The following CCDC32 variants were observed in gnomAD, a reference collection of about 807,000 sequenced individuals.
CCDC32 encodes coiled-coil domain-containing protein 32.
CCDC32 carries 9 observed loss-of-function variants against 20.1 expected under a neutral mutation model. The observed-to-expected ratio is 0.45, with a 90% CI of 0.27 to 0.78. The LOEUF (loss-of-function observed/expected upper bound fraction) is 0.78, where lower values mean the gene tolerates loss of function less well. Among genes scored for constraint, CCDC32 ranks in the 30% least tolerant of loss-of-function variants. The pLI is 0.16. For missense variants in CCDC32, 204 were observed against 215.5 expected (o/e 0.95, Z 0.33); for synonymous variants, 63 against 79.0 (o/e 0.80, Z 1.07).
chr15:40,551,870 G>A (rs1889889234), downstream of CCDC32, among the ~76,000 whole-genome samples: 1 of 148,514 alleles, frequency 6.7e-6, no homozygotes, highest in African/African-American at 2.5e-5. Context: ...AGAGAGGAAA[G>A]GGCCAGGCAT....
At chr15:40,528,512 A>C (rs143643366), downstream of CCDC32, among the ~76,000 whole-genome samples, 23 of 152,260 alleles carry the variant, frequency 1.5e-4, no homozygotes, top group African/African-American at 5.3e-4. Flanking sequence ...CAGACTGTGG[A>C]ATCTGTTTTG....
chr15:40,539,097 C>T, downstream of CCDC32: 2 of 675,098 alleles, frequency 3.0e-6, no homozygotes, highest in Non-Finnish European at 2.5e-6. Flanking sequence ...CTTCATTCAG[C>T]CCAGCCCAGA....
chr15:40,559,566 T>C (rs1201099431), intron 2 of CCDC32, among the ~76,000 whole-genome samples: 1 of 152,248 alleles, frequency 6.6e-6, no homozygotes. Context: ...ATCCTATCTT[T>C]GGTGGCTTCC....
downstream of CCDC32, chr15:40,534,839 A>G (rs750515406): frequency 7.6e-5 from 53 of 700,484 alleles, no homozygotes; most frequent in Non-Finnish European, 1.2e-4. Flanking sequence ...TTCAACATGT[A>G]TATTTTAGAG....
At chr15:40,542,739 G>C (rs1328450860) in intron 3 of CCDC32, among the ~76,000 whole-genome samples, 1 of 152,036 alleles carries the variant, frequency 6.6e-6, no homozygotes, top group African/African-American at 2.4e-5. Flanking sequence ...CATGGTGGCA[G>C]GCACCTGTAG....
downstream of CCDC32, among the ~76,000 whole-genome samples, chr15:40,552,159 C>CA (rs1199698053): frequency 6.9e-6 from 1 of 145,308 alleles, no homozygotes; most frequent in East Asian, 2.0e-4. Context: ...GACCTTGTCT[C>CA]AAAAAAACAA....
At chr15:40,537,431 G>A (rs879839234), downstream of CCDC32, 1 of 152,280 alleles carries the variant, frequency 6.6e-6, no homozygotes, top group Non-Finnish European at 1.5e-5. Flanking sequence ...CAAGGTCCCA[G>A]CCTCGTGTGG....
downstream of CCDC32, among the ~76,000 whole-genome samples, chr15:40,524,739 CTTTTTTTTTTTTTTTTT>C (rs758786719): frequency 3.1e-5 from 3 of 95,240 alleles, no homozygotes; most frequent in Admixed American, 1.0e-4. Flanking sequence ...CTTTTTCTTT[CTTTTTTTTTTTTTTTTT>C]TTTTTTTTTT....
At chr15:40,558,489 A>G (rs1530942) in intron 2 of CCDC32, among the ~76,000 whole-genome samples, 134,490 of 152,100 alleles carry the variant, frequency 0.88, 59,761 homozygotes, top group Non-Finnish European at 0.93. Flanking sequence ...AGGTTATTTA[A>G]CAATAAAAAC....
downstream of CCDC32, chr15:40,535,322 A>T: frequency 4.9e-6 from 6 of 1,230,390 alleles, no homozygotes; most frequent in South Asian, 1.3e-4. Context: ...ATTATCATAG[A>T]TCTCCAGCCT....
Position 40,554,093 on chromosome 15 carries a change from C to G in CCDC32, c.436G>C (p.Asp146His), listed in dbSNP as rs1336890167. 1 of 1,614,082 alleles carries G rather than the reference C, an allele frequency of 6.2e-7. No individual in the cohort carries two copies. Among genetic ancestry groups the G allele is most frequent in the South Asian group, 1.1e-5 (1 of 91,072 alleles). Residue 146 changes from aspartate to histidine, a missense_variant, in exon 4 of 4, where the codon GAT becomes CAT. Transcript: ENST00000416810. ...LEHFKRWLQPDKVAVSTEEVQ... is the reference protein window; with the variant it reads ...LEHFKRWLQPHKVAVSTEEVQ... ...TCCTCTGTGCTGACGGCTACTTTAT[C>G]TGGCTGGAGCCACCTCTTGAAATGT... is the stretch of plus-strand genomic sequence containing the variant.
At chr15:40,539,114 G>A, downstream of CCDC32, 1 of 776,156 alleles carries the variant, frequency 1.3e-6, no homozygotes, top group Non-Finnish European at 2.1e-6. Context: ...CAGAAGCCCT[G>A]AGGGCTGGGC....
chr15:40,554,489 A>G (rs1020125419), intron 3 of CCDC32, among the ~76,000 whole-genome samples: 6 of 152,122 alleles, frequency 3.9e-5, no homozygotes, highest in African/African-American at 1.4e-4. Context: ...TGTCAAGGGG[A>G]AGAAACACTC....
chr15:40,542,275 C>T (rs1171625529), intron 3 of CCDC32, among the ~76,000 whole-genome samples: 2 of 152,194 alleles, frequency 1.3e-5, no homozygotes, highest in African/African-American at 4.8e-5. Context: ...CTAGTTTGTC[C>T]TTTGTACTTC....
downstream of CCDC32, among the ~76,000 whole-genome samples, chr15:40,548,224 A>T (rs1889701738): frequency 6.6e-6 from 1 of 152,156 alleles, no homozygotes; most frequent in Non-Finnish European, 1.5e-5. Context: ...GACGGAAGGG[A>T]CATTTTCTTG....
chr15:40,549,738 C>G (rs1429113366), downstream of CCDC32, among the ~76,000 whole-genome samples: 1 of 152,202 alleles, frequency 6.6e-6, no homozygotes, highest in African/African-American at 2.4e-5. Flanking sequence ...AAACAGCCCT[C>G]GCACAAACCT....
intron 1 of CCDC32, 121 bp from the exon 2 acceptor site, chr15:40,563,148 AG>A: frequency 8.2e-7 from 1 of 1,226,612 alleles, no homozygotes; most frequent in South Asian, 1.5e-5. Context: ...AGATCATTTG[AG>A]GCCAGCAGTT....
In CCDC32 at chr15:40,564,779, A is replaced by T. The variant is rs755808639; in HGVS notation, c.-13+197T>A. The T allele has an allele frequency of 2.5e-6, 4 of 1,614,060 alleles. No homozygotes were observed. In the South Asian group the frequency reaches 4.4e-5, roughly 18 times the overall value. On this transcript the variant is annotated intron_variant, in intron 1 of 3. Transcript: ENST00000416810. Reference sequence around the variant, plus strand: ...AACTTTGCTCACACCAGAGCCCCGCATGGCCCCTTACCCCAGGGCAGGGCG... The same window carrying T: ...AACTTTGCTCACACCAGAGCCCCGCTTGGCCCCTTACCCCAGGGCAGGGCG...
At chr15:40,530,697 A>G (rs918994938), downstream of CCDC32, among the ~76,000 whole-genome samples, 10 of 144,048 alleles carry the variant, frequency 6.9e-5, no homozygotes, top group African/African-American at 2.5e-4. Context: ...ACTTTTCTTT[A>G]TAAATTACCC....
Sources: gnomAD v4.1 joint callset for allele counts (sites outside exome capture counted in the v4.1 genomes callset) on GRCh38, gnomAD v4.1.1 for gene constraint, MANE v1.5 for transcripts, NCBI Gene and HGNC (gene_info 2026-07-23, HGNC 2026-07-21) for gene names.